Variants in TENT2 observed in about 807,000 individuals in gnomAD.
The protein encoded by TENT2 is terminal nucleotidyltransferase 2, also known as poly(A) RNA polymerase GLD2.
TENT2 carries 44 observed loss-of-function variants against 72.2 expected under a neutral mutation model. The observed-to-expected ratio is 0.61, with a 90% CI of 0.48 to 0.78. TENT2 has a LOEUF of 0.78. Among genes scored for constraint, TENT2 ranks in the 30% least tolerant of loss-of-function variants. TENT2 has a pLI of 0.00. For missense variants in TENT2, 541 were observed against 569.6 expected, an observed-to-expected ratio of 0.95 and a Z score of 0.51; for synonymous variants, 212 against 192.5, an observed-to-expected ratio of 1.10 and a Z score of -0.84.
intron 12 of TENT2, among the ~76,000 whole-genome samples, chr5:79,670,011 C>G (rs377261702): frequency 3.3e-5 from 5 of 151,670 alleles, no homozygotes; most frequent in Admixed American, 2.0e-4. Context: ...GGTGAGGTCG[C>G]GAGTTCGAGA....
intron 4 of TENT2, among the ~76,000 whole-genome samples, chr5:79,624,399 A>G (rs1254112375): frequency 6.6e-6 from 1 of 152,164 alleles, no homozygotes; most frequent in Non-Finnish European, 1.5e-5. Flanking sequence ...TTATTCCTCT[A>G]TTATTCTTTT....
At chr5:79,674,015 A>G (rs940025611) in intron 12 of TENT2, among the ~76,000 whole-genome samples, 1 of 152,238 alleles carries the variant, frequency 6.6e-6, no homozygotes, top group East Asian at 1.9e-4. Context: ...CACAATAAAC[A>G]GAGAGACAGA....
chr5:79,643,151 T>TA (rs1176661476), intron 7 of TENT2, among the ~76,000 whole-genome samples: 23 of 152,296 alleles, frequency 1.5e-4, no homozygotes, highest in South Asian at 6.2e-4. Flanking sequence ...GATTCAAAGA[T>TA]ATGTAAGTTT....
At chr5:79,630,193 G>A (rs1774151006) in intron 4 of TENT2, among the ~76,000 whole-genome samples, 1 of 152,154 alleles carries the variant, frequency 6.6e-6, no homozygotes, top group Non-Finnish European at 1.5e-5. Flanking sequence ...ATGCTGTGCA[G>A]GAAATTAGTG....
At position 79,687,039 on chromosome 5, in the gene TENT2, T is replaced by C. The variant is rs1826264051; in HGVS notation, c.*1766T>C. On this transcript the variant is annotated 3_prime_UTR_variant, in exon 15 of 15. Transcript: ENST00000453514. The stretch of plus-strand genomic sequence containing the variant: ...TGTACCCTCTGCCTCTACAGTATTA[T>C]GACATTTCCTAATAAAACCCCAGAA... 6.6e-6 allele frequency among the ~76,000 whole-genome samples: 1 copy of C among 152,208 alleles called. No homozygotes were observed. Among genetic ancestry groups the C allele is most frequent in the Admixed American group, 6.5e-5 (1 of 15,280 alleles).
chr5:79,665,285 C>T (rs540805985), intron 11 of TENT2, among the ~76,000 whole-genome samples: 20 of 152,024 alleles, frequency 1.3e-4, no homozygotes, highest in Non-Finnish European at 2.5e-4. Flanking sequence ...TTTCTGTTTA[C>T]CTGGAGATGG....
At chr5:79,655,294 CA>C (rs1797116937) in intron 10 of TENT2, among the ~76,000 whole-genome samples, 1 of 152,070 alleles carries the variant, frequency 6.6e-6, no homozygotes, top group Non-Finnish European at 1.5e-5. Flanking sequence ...ACCCTGCCTC[CA>C]AAAATTTCCA....
chr5:79,641,708 G>GT lies in TENT2; in HGVS notation c.672+521dup, dbSNP rs928382987. Among the ~76,000 whole-genome samples the GT allele has an allele frequency of 5.5e-4, 53 of 96,530 alleles. 1 individual carries two copies. Among genetic ancestry groups the GT allele is most frequent in the African/African-American group, 2.6e-3 (36 of 13,714 alleles). The allele number at this position is 96,530 out of a possible 152,430, so 63.3% of individuals were successfully genotyped here. A position where few individuals can be genotyped will look rare whatever the true frequency, so the allele number is the denominator to read the frequency against. On this transcript the variant is annotated intron_variant, in intron 6 of 14. Transcript: ENST00000453514. The stretch of plus-strand genomic sequence containing the variant: ...TCTCTATGAATGACATTTTGCCTTT[G>GT]TTTTTTTTTCTTTTTCTTTAGCAAC...
At chr5:79,633,574 G>A (rs1474355315) in intron 4 of TENT2, among the ~76,000 whole-genome samples, 1 of 150,034 alleles carries the variant, frequency 6.7e-6, no homozygotes, top group Non-Finnish European at 1.5e-5. Flanking sequence ...GCGCCACCAT[G>A]CCCGGCTAAT....
chr5:79,655,468 T>C (rs1797252399), intron 10 of TENT2, among the ~76,000 whole-genome samples: 1 of 152,074 alleles, frequency 6.6e-6, no homozygotes, highest in Admixed American at 6.6e-5. Flanking sequence ...TTTATTATAT[T>C]TTTAGTATAC....
intron 10 of TENT2, among the ~76,000 whole-genome samples, chr5:79,650,311 C>T (rs1792792635): frequency 6.6e-6 from 1 of 151,954 alleles, no homozygotes; most frequent in African/African-American, 2.4e-5. Context: ...AAACAATTAC[C>T]TTCTTCATGA....
intron 11 of TENT2, chr5:79,668,595 T>TGC: frequency 1.4e-5 from 3 of 214,232 alleles, no homozygotes; most frequent in East Asian, 1.2e-4. Flanking sequence ...AGATCTTGGT[T>TGC]TGTATAGTAA....
intron 11 of TENT2, among the ~76,000 whole-genome samples, chr5:79,664,975 C>T (rs1350313359): frequency 6.6e-6 from 1 of 152,168 alleles, no homozygotes; most frequent in African/African-American, 2.4e-5. Flanking sequence ...AGTACCTCTA[C>T]TTTATGTTAT....
At chr5:79,657,337 C>T (rs1224936055) in intron 11 of TENT2, among the ~76,000 whole-genome samples, 1 of 152,070 alleles carries the variant, frequency 6.6e-6, no homozygotes, top group Non-Finnish European at 1.5e-5. Flanking sequence ...TATAGCTTCA[C>T]AGCATTTCTT....
At chr5:79,628,347 C>G (rs1772159424) in intron 4 of TENT2, among the ~76,000 whole-genome samples, 2 of 152,152 alleles carry the variant, frequency 1.3e-5, no homozygotes, top group African/African-American at 4.8e-5. Flanking sequence ...ATAGCACAGT[C>G]AGATTTGTAT....
chr5:79,653,389 A>T (rs139183114), intron 10 of TENT2, among the ~76,000 whole-genome samples: 9 of 152,262 alleles, frequency 5.9e-5, no homozygotes, highest in Admixed American at 3.3e-4. Context: ...GCTACTCAGG[A>T]GGCTAAGGTG....
At chr5:79,625,142 A>G (rs1228343938) in intron 4 of TENT2, among the ~76,000 whole-genome samples, 1 of 152,190 alleles carries the variant, frequency 6.6e-6, no homozygotes, top group African/African-American at 2.4e-5. Context: ...GCATTTCCCT[A>G]ATGCCTAATG....
At chr5:79,623,596 G>C in intron 4 of TENT2, 107 bp downstream of exon 4, 1 of 714,118 alleles carries the variant, frequency 1.4e-6, no homozygotes, top group South Asian at 2.6e-5. Context: ...GCCTTTTTTT[G>C]TTGCAATGTT....
chr5:79,683,001 A>G (rs997711751), intron 14 of TENT2, among the ~76,000 whole-genome samples: 1 of 152,178 alleles, frequency 6.6e-6, no homozygotes, highest in Non-Finnish European at 1.5e-5. Flanking sequence ...TTATCTAGAC[A>G]TTCAAGTGGA....
Sources: allele counts gnomAD v4.1 joint callset (sites outside exome capture counted in the v4.1 genomes callset), GRCh38; gene constraint gnomAD v4.1.1; transcripts MANE v1.5; gene names NCBI Gene and HGNC (gene_info 2026-07-23, HGNC 2026-07-21).